Variants in RORA observed in about 807,000 individuals in gnomAD.
The protein encoded by RORA is nuclear receptor ROR-alpha.
Under a neutral mutation model 69.5 loss-of-function variants are expected in RORA, and 7 were observed. That is an observed-to-expected ratio of 0.10 (90% CI 0.06 to 0.19). The LOEUF (loss-of-function observed/expected upper bound fraction) is 0.19. Among genes scored for constraint, RORA ranks in the 10% least tolerant of loss-of-function variants. RORA has a pLI of 1.00. For synonymous variants in RORA, 261 were observed against 240.8 expected, an observed-to-expected ratio of 1.08 and a Z score of -0.78; for missense variants, 457 against 663.0, an observed-to-expected ratio of 0.69 and a Z score of 3.41.
intron 1 of RORA, among the ~76,000 whole-genome samples, chr15:61,186,681 A>G (rs1486045947): frequency 6.6e-6 from 1 of 150,542 alleles, no homozygotes; most frequent in East Asian, 1.9e-4. Context: ...AAAAAGAAAA[A>G]GAATCCAGAT....
intron 1 of RORA, among the ~76,000 whole-genome samples, chr15:61,007,935 G>A (rs1248061606): frequency 6.6e-6 from 1 of 151,030 alleles, no homozygotes; most frequent in Non-Finnish European, 1.5e-5. Context: ...GAAAAAAGAT[G>A]TAGAAGTTTT....
chr15:60,600,682 A>C (rs2068790638), intron 2 of RORA, among the ~76,000 whole-genome samples: 1 of 152,126 alleles, frequency 6.6e-6, no homozygotes, highest in Non-Finnish European at 1.5e-5. Context: ...CTCTTCCTAC[A>C]TTTTGTAAGA....
chr15:60,720,624 G>A (rs1391517498), intron 1 of RORA, among the ~76,000 whole-genome samples: 1 of 152,100 alleles, frequency 6.6e-6, no homozygotes, highest in African/African-American at 2.4e-5. Flanking sequence ...CTGTGTGCAG[G>A]GCTGCACTTG....
chr15:60,731,502 C>G (rs774554177), intron 1 of RORA, among the ~76,000 whole-genome samples: 2 of 152,182 alleles, frequency 1.3e-5, no homozygotes, highest in Non-Finnish European at 2.9e-5. Flanking sequence ...AAAGTCAAAA[C>G]AGCAAGGATT....
chr15:60,856,500 T>C (rs1047111334), intron 1 of RORA, among the ~76,000 whole-genome samples: 12 of 151,900 alleles, frequency 7.9e-5, no homozygotes, highest in African/African-American at 2.9e-4. Flanking sequence ...CTTTTTTTTT[T>C]TTTCTTAGAA....
At chr15:61,137,087 GAAAGA>G (rs1352180651) in intron 1 of RORA, among the ~76,000 whole-genome samples, 2 of 145,326 alleles carry the variant, frequency 1.4e-5, no homozygotes, top group African/African-American at 5.3e-5. Flanking sequence ...AAGAAAGAAA[GAAAGA>G]AAGAAAGAAA....
At chr15:60,509,458 G>A (rs1012917817) in intron 5 of RORA, among the ~76,000 whole-genome samples, 4 of 152,176 alleles carry the variant, frequency 2.6e-5, no homozygotes, top group Non-Finnish European at 4.4e-5. Flanking sequence ...TGACTTGTCC[G>A]GGAGCCTCAG....
intron 1 of RORA, among the ~76,000 whole-genome samples, chr15:60,875,654 C>A (rs1020526435): frequency 2.0e-5 from 3 of 152,162 alleles, no homozygotes; most frequent in African/African-American, 7.2e-5. Context: ...GAGAGTTAAC[C>A]AAATCTTTCT....
At chr15:61,038,608 A>G (rs538128813) in intron 1 of RORA, among the ~76,000 whole-genome samples, 1 of 152,360 alleles carries the variant, frequency 6.6e-6, no homozygotes, top group South Asian at 2.1e-4. Flanking sequence ...CAGAAGCAAC[A>G]CGAGAAAATT....
intron 1 of RORA, among the ~76,000 whole-genome samples, chr15:61,090,142 G>T (rs183121820): frequency 2.3e-4 from 35 of 152,318 alleles, no homozygotes; most frequent in African/African-American, 7.7e-4. Flanking sequence ...CTAGAGTGGG[G>T]TAAAGTGAGG....
At position 61,006,765 on chromosome 15, in the gene RORA, C is replaced by T. The variant is rs572101610; in HGVS notation, c.166+222288G>A. 5.9e-5 allele frequency among the ~76,000 whole-genome samples: 9 copies of T among 152,238 alleles called. No homozygotes were observed. The South Asian group carries it at 1.7e-3, about 28-fold the overall frequency. On this transcript the variant is annotated intron_variant, in intron 1 of 10. Coordinates refer to ENST00000335670, the MANE Select transcript of RORA (RefSeq NM_134261.3). ...CTGAAGAATGCATTATCAGTGCTCA[C>T]TAGATGCAACTGACTGTCCCTACTC...
intron 2 of RORA, among the ~76,000 whole-genome samples, chr15:60,594,521 A>G (rs978866419): frequency 6.6e-6 from 1 of 152,252 alleles, no homozygotes; most frequent in Non-Finnish European, 1.5e-5. Flanking sequence ...ATGCTACTTT[A>G]AAACAGTATC....
chr15:60,960,054 T>G (rs1893372188), intron 1 of RORA, among the ~76,000 whole-genome samples: 1 of 152,048 alleles, frequency 6.6e-6, no homozygotes, highest in South Asian at 2.1e-4. Context: ...GGATTTTTTT[T>G]GTGTGTGTGT....
chr15:61,165,672 G>C (rs939282230), intron 1 of RORA, among the ~76,000 whole-genome samples: 5 of 152,268 alleles, frequency 3.3e-5, no homozygotes, highest in African/African-American at 1.2e-4. Context: ...TGGAAACACA[G>C]GAACATGACT....
At chr15:60,685,579 C>T (rs879762417) in intron 1 of RORA, among the ~76,000 whole-genome samples, 1 of 152,110 alleles carries the variant, frequency 6.6e-6, no homozygotes, top group Non-Finnish European at 1.5e-5. Context: ...AGTAGGGCCT[C>T]GCCAAACAAA....
At chr15:60,681,238 CATA>C (rs2070638587) in intron 1 of RORA, among the ~76,000 whole-genome samples, 1 of 152,130 alleles carries the variant, frequency 6.6e-6, no homozygotes, top group Admixed American at 6.5e-5. Context: ...GTTTAATTGG[CATA>C]ATAAGACATT....
intron 2 of RORA, among the ~76,000 whole-genome samples, chr15:60,595,881 C>G (rs2140536171): frequency 6.6e-6 from 1 of 152,252 alleles, no homozygotes; most frequent in Non-Finnish European, 1.5e-5. Context: ...AGGATGGTCA[C>G]AGCCCCACGT....
chr15:61,086,805 A>T (rs1384958448), intron 1 of RORA, among the ~76,000 whole-genome samples: 6 of 152,134 alleles, frequency 3.9e-5, no homozygotes, highest in Non-Finnish European at 8.8e-5. Context: ...TTATTGGAAA[A>T]CAGCCAAACT....
chr15:60,537,027 T>C lies in RORA; in HGVS notation c.197-5176A>G, dbSNP rs2066701944. Among the ~76,000 whole-genome samples, 2 of 152,274 alleles carry C rather than the reference T, an allele frequency of 1.3e-5. No homozygotes were observed. The highest frequency in any genetic ancestry group is 6.5e-5 in the Admixed American group (1 of 15,292). On this transcript the variant is annotated intron_variant, in intron 2 of 10. Coordinates refer to ENST00000335670, the MANE Select transcript of RORA (RefSeq NM_134261.3). The surrounding 1 kb of genome is among the most constrained non-coding windows in gnomAD (Gnocchi z 4.9). ...AGAAAAACCCTAAGGCATTTGATTT[T>C]ATTTTCAGTAAAATGGCTTGAGTCC...
Sources: allele counts gnomAD v4.1 joint callset (sites outside exome capture counted in the v4.1 genomes callset), GRCh38; gene constraint gnomAD v4.1.1; non-coding constraint Gnocchi (gnomAD v3.1); transcripts MANE v1.5; gene names NCBI Gene and HGNC (gene_info 2026-07-23, HGNC 2026-07-21).